SHISA6: variants seen among roughly 807,000 people sequenced by gnomAD.
SHISA6 encodes shisa family member 6, also known as protein shisa-6.
SHISA6 carries 22 observed loss-of-function variants against 47.9 expected under a neutral mutation model. The observed-to-expected ratio is 0.46, with a 90% CI of 0.33 to 0.66. SHISA6 has a LOEUF of 0.66. Among genes scored for constraint, SHISA6 ranks in the 30% least tolerant of loss-of-function variants. The pLI is 0.02. For missense variants in SHISA6, 680 were observed against 764.6 expected (o/e 0.89, Z 1.30); for synonymous variants, 388 against 337.8 (o/e 1.15, Z -1.63).
At chr17:11,412,255 A>G (rs948765414) in intron 3 of SHISA6, among the ~76,000 whole-genome samples, 4 of 152,188 alleles carry the variant, frequency 2.6e-5, no homozygotes, top group African/African-American at 7.2e-5. Context: ...TGAGAACTAT[A>G]TGGCAGTATA....
chr17:11,461,425 C>G (rs1320895216), intron 3 of SHISA6, among the ~76,000 whole-genome samples: 2 of 149,338 alleles, frequency 1.3e-5, no homozygotes, highest in Non-Finnish European at 3.0e-5. Context: ...AAAAAGGTAC[C>G]TGGGATTTGT....
At chr17:11,394,998 C>CTTTTTTTTT (rs772109588) in intron 3 of SHISA6, among the ~76,000 whole-genome samples, 20 of 95,100 alleles carry the variant, frequency 2.1e-4, no homozygotes, top group South Asian at 3.6e-4. Context: ...TTTTTCTTTT[C>CTTTTTTTTT]TTTTTTTTTT....
chr17:11,400,769 G>T (rs1282091880), intron 3 of SHISA6, among the ~76,000 whole-genome samples: 1 of 152,086 alleles, frequency 6.6e-6, no homozygotes, highest in Admixed American at 6.5e-5. Flanking sequence ...AGCCTGCCTG[G>T]TGTACTTAAT....
intron 2 of SHISA6, among the ~76,000 whole-genome samples, chr17:11,336,581 G>A (rs902772381): frequency 7.2e-5 from 11 of 152,156 alleles, no homozygotes; most frequent in Admixed American, 4.6e-4. Context: ...AACGTCACAC[G>A]CCTGGGGCTT....
rs555876944 is a variant in SHISA6, at chr17:11,279,157, G to A, written c.799+15631G>A. The stretch of plus-strand genomic sequence containing the variant: ...TTATTTGCAAGAGTCCTGGGTGAGA[G>A]TTCAGGGCTTGCAGGTCTTCCTCGG... On this transcript the variant is annotated intron_variant, in intron 2 of 5. Coordinates refer to ENST00000441885, the MANE Select transcript of SHISA6 (RefSeq NM_207386.4). Among the ~76,000 whole-genome samples the A allele has an allele frequency of 2.6e-5, 4 of 152,288 alleles. No homozygotes were observed. In the South Asian group the frequency reaches 6.2e-4, roughly 24 times the overall value.
intron 3 of SHISA6, among the ~76,000 whole-genome samples, chr17:11,498,354 C>T (rs1189536460): frequency 6.6e-6 from 1 of 152,194 alleles, no homozygotes; most frequent in East Asian, 1.9e-4. Context: ...GAGTATCTGT[C>T]TTCCTGAGGA....
intron 3 of SHISA6, among the ~76,000 whole-genome samples, chr17:11,500,830 A>T (rs2071446349): frequency 6.6e-6 from 1 of 152,134 alleles, no homozygotes; most frequent in African/African-American, 2.4e-5. Context: ...TGGATTATGG[A>T]TTATACTTGG....
chr17:11,262,670 A>G (rs901221212), intron 1 of SHISA6, among the ~76,000 whole-genome samples: 1 of 152,158 alleles, frequency 6.6e-6, no homozygotes, highest in Non-Finnish European at 1.5e-5. Flanking sequence ...TCTCTGAGTA[A>G]CTGGACCTCT....
At chr17:11,426,831 C>A (rs1914624003) in intron 3 of SHISA6, among the ~76,000 whole-genome samples, 1 of 152,082 alleles carries the variant, frequency 6.6e-6, no homozygotes, top group Admixed American at 6.5e-5. Flanking sequence ...CTTTCTCTAT[C>A]CTTCCATCTT....
At chr17:11,535,965 TATAG>T (rs1331303104) in intron 3 of SHISA6, among the ~76,000 whole-genome samples, 2 of 152,148 alleles carry the variant, frequency 1.3e-5, no homozygotes, top group Admixed American at 1.3e-4. Flanking sequence ...TATAGACATA[TATAG>T]ATATATAGAG....
chr17:11,269,916 C>T (rs1908576949), intron 2 of SHISA6, among the ~76,000 whole-genome samples: 1 of 152,154 alleles, frequency 6.6e-6, no homozygotes, highest in African/African-American at 2.4e-5. Context: ...GGTTCCTAGC[C>T]ACATGCGACT....
intron 2 of SHISA6, among the ~76,000 whole-genome samples, chr17:11,316,128 A>G (rs947284494): frequency 2.0e-5 from 3 of 147,432 alleles, no homozygotes; most frequent in African/African-American, 7.6e-5. Flanking sequence ...AATGCTTGGA[A>G]TTTATTGATA....
At chr17:11,360,232 C>T (rs989804650) in intron 2 of SHISA6, among the ~76,000 whole-genome samples, 5 of 152,256 alleles carry the variant, frequency 3.3e-5, no homozygotes, top group South Asian at 4.2e-4. Flanking sequence ...AACCAAATGC[C>T]GCATGTTCTC....
chr17:11,421,565 A>C (rs1914452831), intron 3 of SHISA6, among the ~76,000 whole-genome samples: 1 of 152,348 alleles, frequency 6.6e-6, no homozygotes, highest in African/African-American at 2.4e-5. Flanking sequence ...GCACGAAGAC[A>C]TGATACACCA....
At chr17:11,465,523 CTCCCAGGTAG>C (rs1452525179) in intron 3 of SHISA6, among the ~76,000 whole-genome samples, 12 of 152,178 alleles carry the variant, frequency 7.9e-5, no homozygotes, top group African/African-American at 2.9e-4. Flanking sequence ...CTGCCTCAGC[CTCCCAGGTAG>C]CTGGGACCAG....
intron 3 of SHISA6, among the ~76,000 whole-genome samples, chr17:11,402,957 C>T (rs372486949): frequency 2.2e-4 from 34 of 152,276 alleles, no homozygotes; most frequent in Non-Finnish European, 4.1e-4. Context: ...CTTCGTGGAA[C>T]CTTCTGCAAT....
In SHISA6 at chr17:11,375,754, A is replaced by AT. The variant is rs1221032348; in HGVS notation, c.800-3659dup. On this transcript the variant is annotated intron_variant, in intron 2 of 5. Transcript: ENST00000441885. ...AATTGTGCTGAGATTTGGGAAAGGC[A>AT]TGGAGTTCTGACGGGAGGTCGAGGC... is the stretch of plus-strand genomic sequence containing the variant. Among the ~76,000 whole-genome samples, 4 of 152,302 alleles carry AT rather than the reference A, an allele frequency of 2.6e-5. No individual in the cohort carries two copies. In the South Asian group the frequency reaches 6.2e-4, roughly 24 times the overall value.
intron 3 of SHISA6, among the ~76,000 whole-genome samples, chr17:11,416,947 G>A (rs1914298153): frequency 6.6e-6 from 1 of 152,112 alleles, no homozygotes; most frequent in African/African-American, 2.4e-5. Context: ...TACACAGATA[G>A]TAAAGTGAGA....
chr17:11,318,802 G>T (rs1910608398), intron 2 of SHISA6, among the ~76,000 whole-genome samples: 1 of 152,050 alleles, frequency 6.6e-6, no homozygotes, highest in African/African-American at 2.4e-5. Context: ...TCCTCATAAG[G>T]TATTCAGTGT....
Sources: gnomAD v4.1 joint callset for allele counts (sites outside exome capture counted in the v4.1 genomes callset) on GRCh38, gnomAD v4.1.1 for gene constraint, MANE v1.5 for transcripts, NCBI Gene and HGNC (gene_info 2026-07-23, HGNC 2026-07-21) for gene names.